DOCK8: variants seen among roughly 807,000 people sequenced by gnomAD.
The protein encoded by DOCK8 is dedicator of cytokinesis 8.
In DOCK8, 141 loss-of-function variants were observed where a neutral mutation model predicts 245.6. The observed-to-expected ratio is 0.57, with a 90% CI of 0.50 to 0.66. DOCK8 has a LOEUF of 0.66. Among genes scored for constraint, DOCK8 ranks in the 30% least tolerant of loss-of-function variants. The pLI is 0.00. For missense variants in DOCK8, 2,965 were observed against 2,603.4 expected (o/e 1.14, Z -3.02); for synonymous variants, 1,168 against 970.2 (o/e 1.20, Z -3.79).
At chr9:301,077 G>A (rs1186462770) in intron 4 of DOCK8, among the ~76,000 whole-genome samples, 2 of 152,080 alleles carry the variant, frequency 1.3e-5, no homozygotes, top group Non-Finnish European at 2.9e-5. Flanking sequence ...GATGAACATC[G>A]ACACAAAAAT....
rs1460974742 is a variant in DOCK8 at position 433,947 on chromosome 9, C to G, written c.4858C>G (p.Pro1620Ala). 12 of 1,613,962 alleles carry G rather than the reference C, an allele frequency of 7.4e-6. No individual in the cohort carries two copies. The East Asian group carries it at 1.8e-4, about 24-fold the overall frequency. The part of the protein sequence containing the change: ...TVKMREFQED[P>A]EMLMDLMYRI... Reference sequence around the variant, plus strand: ...GAAAATGAGGGAATTTCAGGAAGATCCTGAGATGCTTATGGATCTCATGTA... The same window carrying G: ...GAAAATGAGGGAATTTCAGGAAGATGCTGAGATGCTTATGGATCTCATGTA... Residue 1620 changes from proline (P) to alanine (A), a missense_variant, in exon 38 of 48, where the codon CCT (proline) becomes GCT (alanine). By Grantham distance (27) the Pro-to-Ala change is conservative. Coordinates refer to ENST00000432829, the MANE Select transcript of DOCK8 (RefSeq NM_203447.4).
intron 1 of DOCK8, among the ~76,000 whole-genome samples, chr9:228,439 G>A (rs551220677): frequency 4.3e-4 from 66 of 152,098 alleles, no homozygotes; most frequent in Admixed American, 2.6e-3. Flanking sequence ...TCAGAACATG[G>A]TACTGTTTAA....
intron 43 of DOCK8, among the ~76,000 whole-genome samples, chr9:443,818 C>G (rs1310826017): frequency 1.3e-5 from 2 of 152,068 alleles, no homozygotes; most frequent in Non-Finnish European, 2.9e-5. Context: ...TTTGTCATTC[C>G]TATTTTAGAG....
chr9:279,678 T>C (rs1195024065), intron 2 of DOCK8, among the ~76,000 whole-genome samples: 1 of 152,194 alleles, frequency 6.6e-6, no homozygotes, highest in Non-Finnish European at 1.5e-5. Context: ...GCAAAAACCA[T>C]TGAATTTGGC....
chr9:452,386 A>G (rs988993959), intron 46 of DOCK8: 1 of 228,458 alleles, frequency 4.4e-6, no homozygotes, highest in Non-Finnish European at 8.6e-6. Flanking sequence ...TAACACGTCA[A>G]CTATGAAACG....
Position 435,047 on chromosome 9 carries a change from G to T in DOCK8, c.5079+72G>T, listed in dbSNP as rs1002054059. On this transcript the variant is annotated intron_variant, in intron 39 of 47. Coordinates refer to ENST00000432829, the MANE Select transcript of DOCK8 (RefSeq NM_203447.4). ...GGCGATTTTGTCCCCCAGCCCCAGG[G>T]ACATTTGGCAATGTCTAGATACATT... 9.6e-6 allele frequency: 15 copies of T among 1,566,894 alleles called. No homozygotes were observed. In the African/African-American group the frequency reaches 1.6e-4, roughly 17 times the overall value.
Position 456,726 on chromosome 9 carries a change from G to A in DOCK8, c.6068+4609G>A, listed in dbSNP as rs935019810. ...TTCCTGCAATAATAAAAAACATCTC[G>A]GGTTCAGAAGCCAAGACAAGAAGAT... On this transcript the variant is annotated intron_variant, in intron 46 of 47. Transcript: ENST00000432829. 3.3e-5 allele frequency: 5 copies of A among 152,000 alleles called. No individual in the cohort carries two copies. In the South Asian group the frequency reaches 6.2e-4, roughly 19 times the overall value. The allele number at this position is 152,000 out of a possible 1,614,324, so 9.4% of individuals were successfully genotyped here.
chr9:290,829 A>G (rs1395205563), intron 4 of DOCK8, among the ~76,000 whole-genome samples: 1 of 152,206 alleles, frequency 6.6e-6, no homozygotes, highest in Non-Finnish European at 1.5e-5. Flanking sequence ...AAATGATGAA[A>G]GACTTTGAGG....
chr9:256,490 C>A (rs2047779167), intron 1 of DOCK8, among the ~76,000 whole-genome samples: 1 of 152,172 alleles, frequency 6.6e-6, no homozygotes, highest in Non-Finnish European at 1.5e-5. Flanking sequence ...ATAAATTTGG[C>A]TTTATTGAAT....
chr9:436,402 G>C (rs540722043), intron 39 of DOCK8, among the ~76,000 whole-genome samples: 15 of 152,230 alleles, frequency 9.9e-5, no homozygotes, highest in African/African-American at 3.6e-4. Flanking sequence ...AATTTATTTT[G>C]ACCATGTGAT....
intron 4 of DOCK8, among the ~76,000 whole-genome samples, chr9:290,471 C>T (rs890778855): frequency 1.3e-5 from 2 of 152,190 alleles, no homozygotes; most frequent in African/African-American, 4.8e-5. Context: ...CTGGCCTCAG[C>T]TTCAGAGGTG....
chr9:386,785 T>G (rs1218279078), intron 23 of DOCK8, among the ~76,000 whole-genome samples: 3 of 152,254 alleles, frequency 2.0e-5, no homozygotes, highest in Non-Finnish European at 4.4e-5. Context: ...GGGACCACAT[T>G]TTGAGAACCA....
intron 1 of DOCK8, among the ~76,000 whole-genome samples, chr9:234,221 G>C (rs1224006291): frequency 6.6e-6 from 1 of 152,120 alleles, no homozygotes; most frequent in Non-Finnish European, 1.5e-5. Context: ...GTTGAATATT[G>C]GCCCCCACTC....
intron 22 of DOCK8, among the ~76,000 whole-genome samples, chr9:384,238 T>A (rs2053850496): frequency 6.6e-6 from 1 of 152,214 alleles, no homozygotes; most frequent in African/African-American, 2.4e-5. Flanking sequence ...CACCCTTTTT[T>A]AAAAGATGGA....
chr9:277,771 A>T (rs1217437721), intron 2 of DOCK8, among the ~76,000 whole-genome samples: 7 of 152,164 alleles, frequency 4.6e-5, no homozygotes, highest in African/African-American at 9.7e-5. Flanking sequence ...GGATGTAAAA[A>T]GCCACATCCT....
chr9:344,864 C>A (rs560180099), intron 14 of DOCK8, among the ~76,000 whole-genome samples: 1 of 152,088 alleles, frequency 6.6e-6, no homozygotes, highest in East Asian at 1.9e-4. Context: ...CCAGCCTGGC[C>A]AACACGGTGA....
At chr9:382,261 C>A (rs2053750182) in intron 21 of DOCK8, among the ~76,000 whole-genome samples, 1 of 152,154 alleles carries the variant, frequency 6.6e-6, no homozygotes, top group Non-Finnish European at 1.5e-5. Context: ...GCCAGTAGTA[C>A]CCCCTGCCTT....
rs1000004589 is a variant in DOCK8, at chr9:336,630, T to C, written c.1334T>C (p.Leu445Pro). ...ERRTLAQSRR[L>P]SERALSLEEN... Reference sequence around the variant, plus strand: ...AGGACATTGGCCCAATCTAGAAGGCTTTCTGAAAGAGCCCTCTCCTTGGAG... The same window carrying C: ...AGGACATTGGCCCAATCTAGAAGGCCTTCTGAAAGAGCCCTCTCCTTGGAG... Residue 445 changes from leucine (L) to proline (P), a missense_variant, in exon 12 of 48, where the codon CTT becomes CCT. Physicochemically the swap from Leu to Pro is moderately conservative, Grantham distance 98. Around this residue, in one of 3 missense-constraint regions of DOCK8, gnomAD observed 2,825 missense variants for 2,453.5 expected, o/e 1.15. Coordinates refer to ENST00000432829, the MANE Select transcript of DOCK8 (RefSeq NM_203447.4). 1 of 1,614,174 alleles carries C rather than the reference T, an allele frequency of 6.2e-7. No individual in the cohort carries two copies. The highest frequency in any genetic ancestry group is 1.1e-5 in the South Asian group (1 of 91,084).
rs2051687855 is a variant in DOCK8, at chr9:343,055, C to T, written c.1679+2734C>T. ...GTGAGAGAATTCCCATTTTCCAGTT[C>T]CTCACCCATACTTTCCAGTATGACG... On this transcript the variant is annotated intron_variant, in intron 14 of 47. Coordinates refer to ENST00000432829, the MANE Select transcript of DOCK8 (RefSeq NM_203447.4). 2.0e-5 allele frequency among the ~76,000 whole-genome samples: 3 copies of T among 152,148 alleles called. No homozygotes were observed. The South Asian group carries it at 6.2e-4, about 31-fold the overall frequency.
Sources: allele counts gnomAD v4.1 joint callset (sites outside exome capture counted in the v4.1 genomes callset), GRCh38; gene constraint gnomAD v4.1.1; regional missense constraint gnomAD v4.1.1; transcripts MANE v1.5; gene names NCBI Gene and HGNC (gene_info 2026-07-23, HGNC 2026-07-21).